SHTN1: variants seen among roughly 807,000 people sequenced by gnomAD.
The protein encoded by SHTN1 is shootin 1.
Under a neutral mutation model 83.1 loss-of-function variants are expected in SHTN1, and 42 were observed. The observed-to-expected ratio is 0.51, with a 90% CI of 0.39 to 0.65. SHTN1 has a LOEUF of 0.65. SHTN1 is among the 30% of genes least tolerant of loss of function. The probability of loss-of-function intolerance (pLI) is 0.00; values close to 1 mark genes in which losing one functional copy is unlikely to be tolerated. For synonymous variants in SHTN1, 224 were observed against 247.7 expected (o/e 0.90, Z 0.90); for missense variants, 622 against 737.8 (o/e 0.84, Z 1.82).
chr10:117,103,249 C>G (rs929004396), intron 1 of SHTN1, among the ~76,000 whole-genome samples: 30 of 152,088 alleles, frequency 2.0e-4, no homozygotes, highest in African/African-American at 7.2e-4. Context: ...ACCACCACAC[C>G]TGGCTAATTT....
intron 1 of SHTN1, among the ~76,000 whole-genome samples, chr10:117,052,365 T>C (rs953739734): frequency 1.3e-5 from 2 of 152,242 alleles, no homozygotes; most frequent in Middle Eastern, 3.4e-3. Context: ...AAGCTATCTA[T>C]ATATTCAATG....
At chr10:116,999,207 G>A (rs1851738660) in intron 1 of SHTN1, among the ~76,000 whole-genome samples, 1 of 152,196 alleles carries the variant, frequency 6.6e-6, no homozygotes, top group Non-Finnish European at 1.5e-5. Context: ...ATACATTGTG[G>A]TACGTCTGTA....
intron 1 of SHTN1, among the ~76,000 whole-genome samples, chr10:117,065,858 G>GAAGGA (rs1564947550): frequency 1.1e-5 from 1 of 91,920 alleles, no homozygotes; most frequent in Non-Finnish European, 2.1e-5. Context: ...GGAAGGAAAG[G>GAAGGA]AGGGAGGGAG....
At position 117,005,058 on chromosome 10, in the gene SHTN1, T is replaced by C; in HGVS notation, c.22A>G (p.Lys8Glu). The stretch of plus-strand genomic sequence containing the variant: ...AGACTGGTAATGAGCTGCAGCTGCT[T>C]CTCTTCGTCCGAGCTGTTCATTTTG... MNSSDEEKQLQLITSLKE... is the reference protein window; with the variant it reads MNSSDEEEQLQLITSLKE... The change falls in exon 1 of 17, where the codon AAG becomes GAG. Residue 8 changes from lysine (K) to glutamate (E), a missense_variant. Lys to Glu is a moderately conservative substitution (Grantham distance 56). This residue lies in a region of SHTN1 where 383 missense variants were observed against 455.8 expected (regional missense o/e 0.84). Coordinates refer to ENST00000355371, the MANE Select transcript of SHTN1 (RefSeq NM_001127211.3). 6.3e-7 allele frequency: 1 copy of C among 1,598,958 alleles called. No individual in the cohort carries two copies.
chr10:117,114,882 A>G (rs1025799927), intron 1 of SHTN1, among the ~76,000 whole-genome samples: 1 of 152,128 alleles, frequency 6.6e-6, no homozygotes, highest in African/African-American at 2.4e-5. Flanking sequence ...CTGCTCTCAT[A>G]TGGGGCATCA....
chr10:116,990,425 G>A (rs1028088265), intron 1 of SHTN1, among the ~76,000 whole-genome samples: 1 of 151,828 alleles, frequency 6.6e-6, no homozygotes, highest in Non-Finnish European at 1.5e-5. Flanking sequence ...CTCCCAGGGG[G>A]CACGAATTGT....
Position 117,084,538 on chromosome 10 carries a change from G to T in SHTN1, c.-188-36028C>A, listed in dbSNP as rs553158109. On this transcript the variant is annotated intron_variant, in intron 1 of 17. Coordinates refer to the SHTN1 transcript ENST00000392901. The stretch of plus-strand genomic sequence containing the variant: ...AGGTGGAGCCTACAGAGGCAGGCAG[G>T]CCTCCTTGAGCTGTGGTGGGCTCCA... Among the ~76,000 whole-genome samples the T allele has an allele frequency of 3.9e-5, 6 of 152,342 alleles. 1 individual carries two copies. The South Asian group carries it at 1.2e-3, about 32-fold the overall frequency.
chr10:117,010,786 C>T (rs1276419943), intron 2 of SHTN1, among the ~76,000 whole-genome samples: 1 of 152,192 alleles, frequency 6.6e-6, no homozygotes, highest in East Asian at 1.9e-4. Flanking sequence ...ATAAGAAAAT[C>T]AATCAATGTA....
chr10:117,020,554 T>C (rs1416768000), intron 2 of SHTN1, among the ~76,000 whole-genome samples: 2 of 149,368 alleles, frequency 1.3e-5, no homozygotes, highest in African/African-American at 2.5e-5. Flanking sequence ...ATAAAAGTGC[T>C]AAAATAATGG....
In SHTN1 at chr10:116,929,874, C is replaced by T. The variant is rs773638792; in HGVS notation, c.987G>A (p.Glu329=). 1.1e-5 allele frequency: 17 copies of T among 1,605,442 alleles called. No homozygotes were observed. The highest frequency in any genetic ancestry group is 2.2e-5 in the South Asian group (2 of 88,950). ...ELELKYQNSE[E]KARNLKHSVD... ...CAGAGTGCTTTAAATTTCTGGCTTT[C>T]TCTTCAGAATTCTGATATTTCAATT... Residue 329 remains glutamate, a synonymous_variant, in exon 10 of 17, where the codon GAG becomes GAA. Coordinates refer to ENST00000355371, the MANE Select transcript of SHTN1 (RefSeq NM_001127211.3).
In SHTN1 at chr10:117,098,563, C is replaced by G. The variant is rs549974149; in HGVS notation, c.-189+27744G>C. Among the ~76,000 whole-genome samples the G allele has an allele frequency of 3.3e-5, 5 of 152,200 alleles. No homozygotes were observed. In the East Asian group the frequency reaches 7.7e-4, roughly 24 times the overall value. ...GCTCATCAACATTTTTCCTACAAGC[C>G]ACTTAACGCTTCCCACTGCATGTTT... On this transcript the variant is annotated intron_variant, in intron 1 of 17. Transcript: ENST00000392901.
intron 8 of SHTN1, among the ~76,000 whole-genome samples, chr10:116,943,825 T>C (rs1293550425): frequency 6.6e-6 from 1 of 152,160 alleles, no homozygotes; most frequent in Non-Finnish European, 1.5e-5. Flanking sequence ...TCCTTCAACC[T>C]ACAGTATGCA....
chr10:116,979,158 T>G, intron 2 of SHTN1, 98 bp downstream of exon 2: 1 of 985,086 alleles, frequency 1.0e-6, no homozygotes, highest in Non-Finnish European at 1.6e-6. Context: ...AAAACAACCC[T>G]CATTCACATT....
At chr10:116,955,760 T>C (rs1849959688) in intron 4 of SHTN1, among the ~76,000 whole-genome samples, 1 of 152,132 alleles carries the variant, frequency 6.6e-6, no homozygotes, top group African/African-American at 2.4e-5. Context: ...CTCTAAGAAA[T>C]GGTTATGAAC....
intron 2 of SHTN1, among the ~76,000 whole-genome samples, chr10:116,973,598 G>T (rs191038240): frequency 6.6e-6 from 1 of 152,014 alleles, no homozygotes; most frequent in African/African-American, 2.4e-5. Flanking sequence ...AAAAACTTAT[G>T]ATCTACCACA....
chr10:117,107,103 ATAATCAATTTAG>A (rs1189937123), intron 1 of SHTN1, among the ~76,000 whole-genome samples: 1 of 152,226 alleles, frequency 6.6e-6, no homozygotes, highest in Non-Finnish European at 1.5e-5. Context: ...TATGAGGATG[ATAATCAATTTAG>A]TAATCAATTG....
chr10:117,072,056 C>T (rs1011186473), intron 1 of SHTN1, among the ~76,000 whole-genome samples: 13 of 152,156 alleles, frequency 8.5e-5, no homozygotes, highest in African/African-American at 3.1e-4. Context: ...CTGTGTATGT[C>T]AAGCTGGTAT....
chr10:116,949,708 G>T (rs896551239), intron 6 of SHTN1, among the ~76,000 whole-genome samples: 7 of 152,034 alleles, frequency 4.6e-5, no homozygotes, highest in Non-Finnish European at 2.9e-5. Flanking sequence ...GATTATTTTT[G>T]ACTTAAGTAA....
chr10:116,973,804 T>TA, intron 2 of SHTN1: 1 of 1,135,074 alleles, frequency 8.8e-7, no homozygotes. Context: ...TTACAACAGT[T>TA]AAAGATTTAA....
Sources: allele counts gnomAD v4.1 joint callset (sites outside exome capture counted in the v4.1 genomes callset), GRCh38; gene constraint gnomAD v4.1.1; regional missense constraint gnomAD v4.1.1; transcripts MANE v1.5; gene names NCBI Gene and HGNC (gene_info 2026-07-23, HGNC 2026-07-21).